KDM6B: variants seen among roughly 807,000 people sequenced by gnomAD.
The protein encoded by KDM6B is lysine-specific demethylase 6B.
In KDM6B, 22 loss-of-function variants were observed where a neutral mutation model predicts 150.4. That is an observed-to-expected ratio of 0.15 (90% CI 0.10 to 0.21). KDM6B has a LOEUF of 0.21. KDM6B is among the 10% of genes least tolerant of loss of function. KDM6B has a pLI of 1.00. For synonymous variants in KDM6B, 1,148 were observed against 921.1 expected, an observed-to-expected ratio of 1.25 and a Z score of -4.46; for missense variants, 1,984 against 2,234.3, an observed-to-expected ratio of 0.89 and a Z score of 2.26.
Position 7,847,825 on chromosome 17 carries a change from C to CCCCCCCG in KDM6B, c.1537_1538insCCCCCCG (p.Arg513ProfsTer44). On this transcript the variant is annotated frameshift_variant, in exon 12 of 24. Coordinates refer to ENST00000448097, the MANE Select transcript of KDM6B (RefSeq NM_001348716.2). LOFTEE classifies it high-confidence loss of function. Reference sequence around the variant, plus strand: ...CTTCTTTGGGACTGAGGGACCCCCCCGCCCTGCCCCACCACCCCTCCCCCA... The same window carrying CCCCCCCG: ...CTTCTTTGGGACTGAGGGACCCCCCCCCCCCCGGCCCTGCCCCACCACCCCTCCCCCA... 6.5e-7 allele frequency: 1 copy of CCCCCCCG among 1,533,438 alleles called. No individual in the cohort carries two copies. Among genetic ancestry groups the CCCCCCCG allele is most frequent in the Non-Finnish European group, 8.8e-7 (1 of 1,133,386 alleles). The allele number at this position is 1,533,438 out of a possible 1,614,324, so 95.0% of individuals were successfully genotyped here.
chr17:7,850,308 G>A (rs2078665723), intron 14 of KDM6B, 131 bp downstream of exon 14: 8 of 711,358 alleles, frequency 1.1e-5, no homozygotes, highest in Non-Finnish European at 1.2e-5. Context: ...TGGGTCTGCT[G>A]GCCTTGGGCT....
chr17:7,849,840 A>G lies in KDM6B; in HGVS notation c.3460A>G (p.Lys1154Glu). Residue 1154 changes from lysine (K) to glutamate (E), a missense_variant, in exon 13 of 24, where the codon AAG (lysine) becomes GAG (glutamate). Physicochemically the swap from Lys to Glu is moderately conservative, Grantham distance 56. Around this residue, in one of 13 missense-constraint regions of KDM6B, gnomAD observed 1,379 missense variants for 1,275.6 expected, o/e 1.08. Coordinates refer to ENST00000448097, the MANE Select transcript of KDM6B (RefSeq NM_001348716.2). The part of the protein sequence containing the change: ...RASRNAKVKG[K>E]FRESYLSPAQ... Reference sequence around the variant, plus strand: ...CCGCAGGAATGCCAAGGTGAAAGGGAAGTTTCGAGAGTCCTACCTTTCCCC... The same window carrying G: ...CCGCAGGAATGCCAAGGTGAAAGGGGAGTTTCGAGAGTCCTACCTTTCCCC... The G allele has an allele frequency of 6.2e-7, 1 of 1,613,132 alleles. No homozygotes were observed. The highest frequency in any genetic ancestry group is 8.5e-7 in the Non-Finnish European group (1 of 1,180,004).
rs748013729 is a variant in KDM6B, at chr17:7,853,239, A to G, written c.4767A>G (p.Thr1589=). 12 of 1,612,400 alleles carry G rather than the reference A, an allele frequency of 7.4e-6. No individual in the cohort carries two copies. The East Asian group carries it at 2.7e-4, about 36-fold the overall frequency. Reference sequence around the variant, plus strand: ...AGGTGTTTAACATCCTGTTCGTGACAAGTGAGAATGGCAGCCGCAACACGT... The same window carrying G: ...AGGTGTTTAACATCCTGTTCGTGACGAGTGAGAATGGCAGCCGCAACACGT... ...DVEVFNILFV[T]SENGSRNTYL... Residue 1589 remains threonine (T), a synonymous_variant, in exon 23 of 24, where the codon ACA becomes ACG. Transcript: ENST00000448097.
Position 7,848,298 on chromosome 17 carries a change from C to G in KDM6B, c.2010C>G (p.Leu670=), listed in dbSNP as rs748928457. 5 of 1,612,492 alleles carry G rather than the reference C, an allele frequency of 3.1e-6. No individual in the cohort carries two copies. In the South Asian group the frequency reaches 4.4e-5, roughly 14 times the overall value. ...VGELPARGPR[L]FDFPPTPLED... is the part of the protein sequence containing the mutation. ...AGCTGCCTGCCCGAGGCCCTCGACT[C>G]TTTGATTTTCCCCCCACTCCGCTGG... The change falls in exon 12 of 24, where the codon CTC becomes CTG. Residue 670 remains leucine, a synonymous_variant. Coordinates refer to ENST00000448097, the MANE Select transcript of KDM6B (RefSeq NM_001348716.2).
chr17:7,853,030 C>T lies in KDM6B; in HGVS notation c.4641C>T (p.Cys1547=). The T allele has an allele frequency of 1.9e-6, 3 of 1,614,064 alleles. No homozygotes were observed. The highest frequency in any genetic ancestry group is 2.5e-6 in the Non-Finnish European group (3 of 1,180,024). ...KFCLLQSMKH[C]QVQRESLVRA... ...GCCTGCTGCAGTCCATGAAGCACTG[C>T]CAGGTGCAACGCGAGAGCCTGGTGC... The change falls in exon 22 of 24, where the codon TGC becomes TGT. Residue 1547 remains cysteine, a synonymous_variant. Transcript: ENST00000448097.
rs1409250217 is a variant in KDM6B, at chr17:7,843,247, T to A, written c.-268-1654T>A. On this transcript the variant is annotated intron_variant, in intron 2 of 23. Transcript: ENST00000448097. The surrounding 1 kb of genome is among the most constrained non-coding windows in gnomAD (Gnocchi z 4.5). ...CGGCTCCCCCTCCACGTCTGGTTCT[T>A]GGGTCTCCTCCCCGCCCCTGCCTCG... 6.6e-6 allele frequency among the ~76,000 whole-genome samples: 1 copy of A among 152,158 alleles called. No individual in the cohort carries two copies. Among genetic ancestry groups the A allele is most frequent in the Non-Finnish European group, 1.5e-5 (1 of 68,008 alleles).
In KDM6B at chr17:7,846,017, C is replaced by T. The variant is rs1444623358; in HGVS notation, c.236+47C>T. On this transcript the variant is annotated intron_variant, in intron 6 of 23. Coordinates refer to ENST00000448097, the MANE Select transcript of KDM6B (RefSeq NM_001348716.2). Reference sequence around the variant, plus strand: ...CTGGGAGTGGGAGGTAAGGCTGGGGCCTTGAAAGAGTCCCCTCAAGCCCAA... The same window carrying T: ...CTGGGAGTGGGAGGTAAGGCTGGGGTCTTGAAAGAGTCCCCTCAAGCCCAA... 4 of 1,599,472 alleles carry T rather than the reference C, an allele frequency of 2.5e-6. 1 individual carries two copies. Among genetic ancestry groups the T allele is most frequent in the South Asian group, 2.2e-5 (2 of 90,362 alleles).
rs2078511936 is a variant in KDM6B, at chr17:7,845,454, C to T, written c.-8C>T. ...CAGGGCTCCTGGGGCCACTGCTGAC[C>T]TGGTAAGGGAAACTCTGGGGCCGAG... On this transcript the variant is annotated splice_region_variant and 5_prime_UTR_variant, in exon 4 of 24. Coordinates refer to ENST00000448097, the MANE Select transcript of KDM6B (RefSeq NM_001348716.2). The T allele has an allele frequency of 6.8e-7, 1 of 1,478,148 alleles. No individual in the cohort carries two copies. The highest frequency in any genetic ancestry group is 9.5e-7 in the Non-Finnish European group (1 of 1,058,014). The allele number at this position is 1,478,148 out of a possible 1,614,324, so 91.6% of individuals were successfully genotyped here.
chr17:7,842,436 T>C (rs2078436528), intron 2 of KDM6B, among the ~76,000 whole-genome samples: 1 of 152,234 alleles, frequency 6.6e-6, no homozygotes, highest in South Asian at 2.1e-4. Flanking sequence ...AGCCTGGCTC[T>C]GGCCGCGTGC....
chr17:7,847,700 C>T lies in KDM6B; in HGVS notation c.1412C>T (p.Pro471Leu), dbSNP rs1418813615. ...CCTGGACCTTCCTCACCCCCTCCAC[C>T]CCCCTGTCCCCGCCTCTTACGCCCC... ...LPPGPSSPPP[P>L]PCPRLLRPPP... The change falls in exon 12 of 24, where the codon CCC (proline) becomes CTC (leucine). Residue 471 changes from proline to leucine, a missense_variant. Transcript: ENST00000448097. The T allele has an allele frequency of 1.5e-5, 23 of 1,544,262 alleles. No individual in the cohort carries two copies. The highest frequency in any genetic ancestry group is 2.0e-5 in the Non-Finnish European group (23 of 1,143,904).
chr17:7,841,088 G>C (rs560515132), intron 2 of KDM6B, among the ~76,000 whole-genome samples: 1 of 152,284 alleles, frequency 6.6e-6, no homozygotes, highest in African/African-American at 2.4e-5. Context: ...TAGCCTCTCT[G>C]GGCCTCAATT....
Position 7,849,911 on chromosome 17 carries a change from C to T in KDM6B, c.3531C>T (p.Pro1177=). The change falls in exon 13 of 24, where the codon CCC becomes CCT. Residue 1177 remains proline (P), a synonymous_variant. Transcript: ENST00000448097. ...AGATCAACACTGAGGAGAAGCTGCC[C>T]CGGGAAAAACTCAACCCCCCTACAC... ...KPKINTEEKL[P]REKLNPPTPS... is the part of the protein sequence containing the mutation. The T allele has an allele frequency of 6.2e-7, 1 of 1,613,580 alleles. No individual in the cohort carries two copies. The highest frequency in any genetic ancestry group is 8.5e-7 in the Non-Finnish European group (1 of 1,180,024).
chr17:7,846,371 G>GGGGCGGGGCCCGGGGCCCCCCCCC, intron 7 of KDM6B, 29 bp from the exon 8 acceptor site: 2 of 1,488,922 alleles, frequency 1.3e-6, no homozygotes, highest in Non-Finnish European at 1.8e-6. Flanking sequence ...CCTGACATCT[G>GGGGCGGGGCCCGGGGCCCCCCCCC]CCCCTGCCCC....
Position 7,848,397 on chromosome 17 carries a change from C to A in KDM6B, c.2109C>A (p.Asp703Glu). 2 of 1,613,032 alleles carry A rather than the reference C, an allele frequency of 1.2e-6. No homozygotes were observed. The highest frequency in any genetic ancestry group is 1.7e-6 in the Non-Finnish European group (2 of 1,180,000). The stretch of plus-strand genomic sequence containing the variant: ...TGGCCAACATCATGAAGATGCTGGA[C>A]GAATCCATTCGCAAGGAAGAGGAAC... Reference protein sequence around the residue: ...DGLANIMKMLDESIRKEEEQQ... With the variant: ...DGLANIMKMLEESIRKEEEQQ... The change falls in exon 12 of 24, where the codon GAC becomes GAA. Residue 703 changes from aspartate (D) to glutamate (E), a missense_variant. Asp to Glu is a conservative substitution (Grantham distance 45). Coordinates refer to ENST00000448097, the MANE Select transcript of KDM6B (RefSeq NM_001348716.2).
At position 7,847,947 on chromosome 17, in the gene KDM6B, T is replaced by C. The variant is rs768820964; in HGVS notation, c.1659T>C (p.Ser553=). The C allele has an allele frequency of 1.9e-6, 3 of 1,600,386 alleles. No individual in the cohort carries two copies. Among genetic ancestry groups the C allele is most frequent in the Non-Finnish European group, 2.6e-6 (3 of 1,173,804 alleles). ...CTCCCCCAACCCCAACCACCAGCAG[T>C]AGCAACAGCAACAGTGGCAGCCACA... ...PPTPPTPTTS[S]SNSNSGSHSS... is the part of the protein sequence containing the mutation. The change falls in exon 12 of 24, where the codon AGT becomes AGC. Residue 553 remains serine (S), a synonymous_variant. Transcript: ENST00000448097.
At position 7,847,378 on chromosome 17, in the gene KDM6B, G is replaced by A. The variant is rs760089527; in HGVS notation, c.1183G>A (p.Gly395Ser). The change falls in exon 11 of 24, where the codon GGC becomes AGC. Residue 395 changes from glycine (G) to serine (S), a missense_variant. By Grantham distance (56) the Gly-to-Ser change is moderately conservative (BLOSUM62 0). Around this residue, in one of 13 missense-constraint regions of KDM6B, gnomAD observed 1,379 missense variants for 1,275.6 expected, o/e 1.08. Transcript: ENST00000448097. Reference protein sequence around the residue: ...YAPSRPPGLPGTTTSSSSSSS... With the variant: ...YAPSRPPGLPSTTTSSSSSSS... ...CCCTTCCCGGCCCCCTGGCCTCCCC[G>A]GCACCACCACCAGCAGCAGCAGTAG... 26 of 1,612,866 alleles carry A rather than the reference G, an allele frequency of 1.6e-5. 1 individual carries two copies. Among genetic ancestry groups the A allele is most frequent in the South Asian group, 1.3e-4 (12 of 91,070 alleles).
At position 7,847,907 on chromosome 17, in the gene KDM6B, C is replaced by T; in HGVS notation, c.1619C>T (p.Ser540Phe). The T allele has an allele frequency of 6.7e-7, 1 of 1,492,808 alleles. No homozygotes were observed. Among genetic ancestry groups the T allele is most frequent in the Non-Finnish European group, 9.0e-7 (1 of 1,107,814 alleles). The allele number at this position is 1,492,808 out of a possible 1,614,324, so 92.5% of individuals were successfully genotyped here. Residue 540 changes from serine (S) to phenylalanine (F), a missense_variant, in exon 12 of 24, where the codon TCT (serine) becomes TTT (phenylalanine). Coordinates refer to ENST00000448097, the MANE Select transcript of KDM6B (RefSeq NM_001348716.2). Reference sequence around the variant, plus strand: ...CGCTTTTCTGTGGGCACTCAGGATTCTCACACCCCTCCCACTCCCCCAACC... The same window carrying T: ...CGCTTTTCTGTGGGCACTCAGGATTTTCACACCCCTCCCACTCCCCCAACC... Reference protein sequence around the residue: ...ASRFSVGTQDSHTPPTPPTPT... With the variant: ...ASRFSVGTQDFHTPPTPPTPT...
intron 1 of KDM6B, among the ~76,000 whole-genome samples, chr17:7,838,002 TA>T (rs1430333074): frequency 5.3e-5 from 8 of 152,022 alleles, no homozygotes; most frequent in Middle Eastern, 3.4e-3. Context: ...TCTTTAGGAT[TA>T]TTTTTTTTTC....
chr17:7,853,582 C>G lies in KDM6B; in HGVS notation c.*61C>G. 1 of 1,297,306 alleles carries G rather than the reference C, an allele frequency of 7.7e-7. No homozygotes were observed. The highest frequency in any genetic ancestry group is 9.9e-7 in the Non-Finnish European group (1 of 1,007,546). The allele number at this position is 1,297,306 out of a possible 1,614,324, so 80.4% of individuals were successfully genotyped here. A position where few individuals can be genotyped will look rare whatever the true frequency, so the allele number is the denominator to read the frequency against. On this transcript the variant is annotated 3_prime_UTR_variant, in exon 24 of 24. Coordinates refer to ENST00000448097, the MANE Select transcript of KDM6B (RefSeq NM_001348716.2). ...GGCGCCGCGGGGCCACCAGCACATG[C>G]CTGGGCTGGACCTAGGTCCCGCCTG...
Sources: allele counts gnomAD v4.1 joint callset (sites outside exome capture counted in the v4.1 genomes callset), GRCh38; gene constraint gnomAD v4.1.1; regional missense constraint gnomAD v4.1.1; non-coding constraint Gnocchi (gnomAD v3.1); transcripts MANE v1.5; gene names NCBI Gene and HGNC (gene_info 2026-07-23, HGNC 2026-07-21).